DCC: variants seen among roughly 807,000 people sequenced by gnomAD.
The protein encoded by DCC is netrin receptor DCC.
Under a neutral mutation model 172.5 loss-of-function variants are expected in DCC, and 58 were observed. The observed-to-expected ratio is 0.34, with a 90% confidence interval of 0.27 to 0.42. The LOEUF (loss-of-function observed/expected upper bound fraction) is 0.42, where lower values mean the gene tolerates loss of function less well. Among genes scored for constraint, DCC ranks in the 10% least tolerant of loss-of-function variants. The pLI, the probability that DCC is intolerant of heterozygous loss-of-function variation, is 1.00. For missense variants in DCC, 1,740 were observed against 1,791.0 expected (o/e 0.97, Z 0.51); for synonymous variants, 709 against 644.5 (o/e 1.10, Z -1.52).
intron 2 of DCC, among the ~76,000 whole-genome samples, chr18:52,853,926 A>G (rs2039014608): frequency 6.6e-6 from 1 of 152,224 alleles, no homozygotes; most frequent in Admixed American, 6.5e-5. Flanking sequence ...GTCATAGTTG[A>G]TATTCAAAGC....
At chr18:53,351,335 G>C (rs1234115897) in intron 15 of DCC, among the ~76,000 whole-genome samples, 165 of 9,278 alleles carry the variant, frequency 0.018, 4 homozygotes, top group East Asian at 0.1. Flanking sequence ...TATATATACA[G>C]TGTATATATA....
At chr18:52,758,091 G>A (rs571331528) in intron 2 of DCC, among the ~76,000 whole-genome samples, 33 of 152,256 alleles carry the variant, frequency 2.2e-4, no homozygotes, top group African/African-American at 7.5e-4. Context: ...CCTTGAAAAT[G>A]TCAACTCCTT....
At chr18:52,968,018 T>A (rs1313823090) in intron 5 of DCC, among the ~76,000 whole-genome samples, 1 of 152,212 alleles carries the variant, frequency 6.6e-6, no homozygotes, top group East Asian at 1.9e-4. Context: ...TCTTTGTAGT[T>A]GTTAGAGCCA....
chr18:53,350,972 C>T (rs949373193), intron 15 of DCC, among the ~76,000 whole-genome samples: 4 of 151,608 alleles, frequency 2.6e-5, no homozygotes, highest in Non-Finnish European at 4.4e-5. Flanking sequence ...GAAAAGGTCA[C>T]TCCATGAGAT....
intron 1 of DCC, among the ~76,000 whole-genome samples, chr18:52,511,855 G>A (rs183448359): frequency 1.3e-5 from 2 of 152,248 alleles, no homozygotes; most frequent in African/African-American, 2.4e-5. Flanking sequence ...TGGCTTTCTC[G>A]TGCTAACATG....
At chr18:52,655,090 C>A (rs2035220070) in intron 1 of DCC, among the ~76,000 whole-genome samples, 1 of 152,102 alleles carries the variant, frequency 6.6e-6, no homozygotes, top group Non-Finnish European at 1.5e-5. Flanking sequence ...CCATTAATCA[C>A]CTTCACCTTT....
intron 6 of DCC, among the ~76,000 whole-genome samples, chr18:53,063,855 A>T (rs1197134931): frequency 6.6e-6 from 1 of 152,156 alleles, no homozygotes. Context: ...GTTTTATAAG[A>T]TATGATACTT....
intron 5 of DCC, among the ~76,000 whole-genome samples, chr18:52,979,581 A>G (rs1300773246): frequency 6.6e-6 from 1 of 152,198 alleles, no homozygotes; most frequent in East Asian, 1.9e-4. Context: ...TCTCCCAAGT[A>G]AGGAGAAAGT....
chr18:53,188,153 T>A (rs1453633864), intron 9 of DCC, among the ~76,000 whole-genome samples: 1 of 152,162 alleles, frequency 6.6e-6, no homozygotes, highest in Non-Finnish European at 1.5e-5. Flanking sequence ...ATCAACACTT[T>A]AAGATAGTAG....
chr18:52,548,221 A>G (rs2144717494), intron 1 of DCC, among the ~76,000 whole-genome samples: 1 of 152,268 alleles, frequency 6.6e-6, no homozygotes, highest in South Asian at 2.1e-4. Context: ...TGCTTCCATG[A>G]TTATGCAGGC....
chr18:52,738,843 A>C (rs559670586), intron 1 of DCC, among the ~76,000 whole-genome samples: 2 of 148,904 alleles, frequency 1.3e-5, no homozygotes, highest in East Asian at 4.0e-4. Context: ...GGGCTCAAGC[A>C]GTCTTCCTGT....
intron 1 of DCC, among the ~76,000 whole-genome samples, chr18:52,441,670 G>A (rs1987973025): frequency 6.6e-6 from 1 of 152,176 alleles, no homozygotes; most frequent in Admixed American, 6.5e-5. Flanking sequence ...AGTAAGGTTT[G>A]ATTTGATTAC....
intron 5 of DCC, among the ~76,000 whole-genome samples, chr18:52,966,028 A>G (rs1028536148): frequency 6.6e-6 from 1 of 152,212 alleles, no homozygotes; most frequent in Non-Finnish European, 1.5e-5. Context: ...CTTGTCTTCC[A>G]GAAGTGCTTC....
intron 13 of DCC, among the ~76,000 whole-genome samples, chr18:53,309,935 T>C (rs1258230263): frequency 9.2e-5 from 13 of 141,838 alleles, no homozygotes; most frequent in Non-Finnish European, 4.5e-5. Flanking sequence ...TATATATATA[T>C]ATATATATAC....
chr18:52,591,429 T>C (rs544385859), intron 1 of DCC, among the ~76,000 whole-genome samples: 2 of 152,278 alleles, frequency 1.3e-5, no homozygotes, highest in East Asian at 3.9e-4. Context: ...ATAATTCTTA[T>C]GGGTTGCATG....
intron 2 of DCC, among the ~76,000 whole-genome samples, chr18:52,869,803 G>C (rs1568158192): frequency 6.6e-6 from 1 of 152,222 alleles, no homozygotes; most frequent in Non-Finnish European, 1.5e-5. Context: ...CCCCAACCCT[G>C]TTCCAATATT....
intron 8 of DCC, among the ~76,000 whole-genome samples, chr18:53,161,881 T>C (rs2054845211): frequency 6.6e-6 from 1 of 152,216 alleles, no homozygotes; most frequent in African/African-American, 2.4e-5. Flanking sequence ...AAAATAATAT[T>C]GGAAGGCTGG....
At chr18:52,477,393 A>G (rs903088019) in intron 1 of DCC, among the ~76,000 whole-genome samples, 1 of 152,156 alleles carries the variant, frequency 6.6e-6, no homozygotes, top group Admixed American at 6.5e-5. Flanking sequence ...ATTCTTTCCC[A>G]TCTGAATTAC....
intron 9 of DCC, among the ~76,000 whole-genome samples, chr18:53,202,558 A>G (rs185273137): frequency 1.4e-4 from 22 of 152,322 alleles, no homozygotes; most frequent in Admixed American, 3.9e-4. Flanking sequence ...ATCAAGAACC[A>G]TTAGTAGATG....
Sources: allele counts gnomAD v4.1 joint callset (sites outside exome capture counted in the v4.1 genomes callset), GRCh38; gene constraint gnomAD v4.1.1; transcripts MANE v1.5; gene names NCBI Gene and HGNC (gene_info 2026-07-23, HGNC 2026-07-21).